PXK: variants seen among roughly 807,000 people sequenced by gnomAD.
PXK encodes the protein PX domain containing serine/threonine kinase like, also known as PX domain-containing protein kinase-like protein.
Under a neutral mutation model 84.7 loss-of-function variants are expected in PXK, and 35 were observed. That is an observed-to-expected ratio of 0.41 (90% CI 0.32 to 0.55). PXK has a LOEUF of 0.55. Ranked by LOEUF, PXK falls within the 20% of genes least tolerant of loss-of-function variation. The probability of loss-of-function intolerance (pLI) is 0.21; values close to 1 mark genes in which losing one functional copy is unlikely to be tolerated. For missense variants in PXK, 634 were observed against 699.7 expected (o/e 0.91, Z 1.06); for synonymous variants, 253 against 260.8 (o/e 0.97, Z 0.29).
chr3:58,373,167 TC>T (rs1347933308), intron 3 of PXK, among the ~76,000 whole-genome samples: 2 of 149,252 alleles, frequency 1.3e-5, no homozygotes, highest in African/African-American at 4.9e-5. Flanking sequence ...AAGCTCCACC[TC>T]CCAGGTTCAC....
rs1210130774 is a variant in PXK, at chr3:58,390,029, T to C, written c.389-553T>C. 1.4e-5 allele frequency among the ~76,000 whole-genome samples: 2 copies of C among 146,808 alleles called. No homozygotes were observed. The highest frequency in any genetic ancestry group is 5.1e-5 in the African/African-American group (2 of 39,546). On this transcript the variant is annotated intron_variant, in intron 4 of 17. Coordinates refer to ENST00000356151, the MANE Select transcript of PXK (RefSeq NM_017771.5). This position sits in a 1 kb window ranked among gnomAD's most constrained non-coding sequence, Gnocchi z 4.2. ...AAAAAAAAAAAAAAAAAAAAACAAT[T>C]TAGCCAGGCGTGATGGCCCATGCTT... is the stretch of plus-strand genomic sequence containing the variant.
At chr3:58,420,306 C>A (rs1175310606) in intron 17 of PXK, among the ~76,000 whole-genome samples, 2 of 152,206 alleles carry the variant, frequency 1.3e-5, no homozygotes, top group Non-Finnish European at 1.5e-5. Context: ...GCTCAAAAAG[C>A]GACTCATTGG....
chr3:58,398,123 A>G lies in PXK; in HGVS notation c.1102+401A>G, dbSNP rs371089172. Among the ~76,000 whole-genome samples, 27 of 152,314 alleles carry G rather than the reference A, an allele frequency of 1.8e-4. No homozygotes were observed. In the East Asian group the frequency reaches 3.9e-3, roughly 22 times the overall value. On this transcript the variant is annotated intron_variant, in intron 11 of 17. Transcript: ENST00000356151. This position sits in a 1 kb window ranked among gnomAD's most constrained non-coding sequence, Gnocchi z 4.5. ...AGACTTGTAAGAAACAAGAGAGGCC[A>G]GGCATGGTGGCTCACACCTGTAATC...
At chr3:58,417,360 A>C (rs1477734890) in intron 17 of PXK, among the ~76,000 whole-genome samples, 1 of 152,234 alleles carries the variant, frequency 6.6e-6, no homozygotes, top group African/African-American at 2.4e-5. Context: ...ATCGGTTGTA[A>C]GCACATTTAT....
chr3:58,342,967 CT>C (rs1213492765), intron 1 of PXK, among the ~76,000 whole-genome samples: 2 of 152,176 alleles, frequency 1.3e-5, no homozygotes, highest in Non-Finnish European at 2.9e-5. Context: ...CGCAGCACCT[CT>C]TTATAATATT....
intron 3 of PXK, 22 bp from the exon 4 acceptor site, chr3:58,382,492 C>CTTTT (rs10662181): frequency 2.3e-4 from 289 of 1,280,876 alleles, no homozygotes; most frequent in South Asian, 1.1e-3. Context: ...ATGAGTGTAA[C>CTTTT]TTTTTTTTTT....
At chr3:58,420,781 C>T in intron 17 of PXK, 8 of 1,369,586 alleles carry the variant, frequency 5.8e-6, no homozygotes, top group Non-Finnish European at 7.5e-6. Flanking sequence ...TCATGACCTT[C>T]AAAATCTTCA....
intron 4 of PXK, among the ~76,000 whole-genome samples, chr3:58,389,522 T>G (rs1231555381): frequency 1.3e-5 from 2 of 152,140 alleles, no homozygotes; most frequent in Non-Finnish European, 2.9e-5. Context: ...TAATTTTAGA[T>G]TTACATAGAA....
Position 58,401,267 on chromosome 3 carries a change from TG to T in PXK, c.1181+1894del, listed in dbSNP as rs2058517666. ...ACAGGCGGGGCCCTGAAGAGCCCTG[TG>T]GGGAAAGCTAATCCTGTCATTTCTA... On this transcript the variant is annotated intron_variant, in intron 12 of 17. Transcript: ENST00000356151. The surrounding 1 kb of genome is among the most constrained non-coding windows in gnomAD (Gnocchi z 4.4). Among the ~76,000 whole-genome samples the T allele has an allele frequency of 6.6e-6, 1 of 152,094 alleles. No individual in the cohort carries two copies. The highest frequency in any genetic ancestry group is 6.6e-5 in the Admixed American group (1 of 15,266).
At chr3:58,340,435 C>G (rs777274935) in intron 1 of PXK, among the ~76,000 whole-genome samples, 1 of 149,716 alleles carries the variant, frequency 6.7e-6, no homozygotes, top group Admixed American at 6.6e-5. Flanking sequence ...GATTGTTGAT[C>G]GAAAGTTTAA....
chr3:58,423,965 C>A (rs1411118589), intron 17 of PXK, among the ~76,000 whole-genome samples: 1 of 152,190 alleles, frequency 6.6e-6, no homozygotes, highest in Non-Finnish European at 1.5e-5. Flanking sequence ...ATTCTAGTTT[C>A]TCCTGATGCT....
chr3:58,390,713 C>T lies in PXK; in HGVS notation c.466+54C>T, dbSNP rs527386633. ...AAAAGACAGATCACAGAACTGGATC[C>T]TTAGTCATGCTTTCTGATACGTATC... On this transcript the variant is annotated intron_variant, in intron 5 of 17. Transcript: ENST00000356151. The surrounding 1 kb of genome is among the most constrained non-coding windows in gnomAD (Gnocchi z 4.2). The T allele has an allele frequency of 6.7e-7, 1 of 1,497,494 alleles. No homozygotes were observed. The highest frequency in any genetic ancestry group is 1.2e-5 in the South Asian group (1 of 83,012). The allele number at this position is 1,497,494 out of a possible 1,614,324, so 92.8% of individuals were successfully genotyped here. A position where few individuals can be genotyped will look rare whatever the true frequency, so the allele number is the denominator to read the frequency against.
intron 1 of PXK, among the ~76,000 whole-genome samples, chr3:58,345,527 A>G (rs1043769850): frequency 6.6e-6 from 1 of 152,290 alleles, no homozygotes; most frequent in East Asian, 1.9e-4. Flanking sequence ...ATTTCTCACT[A>G]ACTTCTCACT....
chr3:58,366,482 C>G (rs1015550840), intron 2 of PXK, among the ~76,000 whole-genome samples: 2 of 152,116 alleles, frequency 1.3e-5, no homozygotes, highest in African/African-American at 4.8e-5. Flanking sequence ...TCTGAGTTGA[C>G]TTACAGAGGG....
rs186921475 is a variant in PXK at position 58,393,280 on chromosome 3, G to A, written c.615+1433G>A. On this transcript the variant is annotated intron_variant, in intron 7 of 17. Coordinates refer to ENST00000356151, the MANE Select transcript of PXK (RefSeq NM_017771.5). ...GGAGAATGGCGTGAACCCGGGAGGC[G>A]GAGCTTGCAGTGAGCCGAGATCGTG... 3.0e-3 allele frequency among the ~76,000 whole-genome samples: 461 copies of A among 152,104 alleles called. 1 individual carries two copies. The highest frequency in any genetic ancestry group is 0.01 in the African/African-American group (424 of 41,524).
At chr3:58,335,863 C>G (rs1049663743) in intron 1 of PXK, among the ~76,000 whole-genome samples, 3 of 151,646 alleles carry the variant, frequency 2.0e-5, no homozygotes, top group African/African-American at 4.8e-5. Context: ...TTAGGAAGAT[C>G]AAATGAAATC....
At chr3:58,336,053 ATATATATATATATATATATTTTTTTT>A (rs1259665816) in intron 1 of PXK, among the ~76,000 whole-genome samples, 4 of 61,232 alleles carry the variant, frequency 6.5e-5, no homozygotes, top group Admixed American at 4.7e-4. Flanking sequence ...ATATATATAT[ATATATATATATATATATATTTTTTTT>A]TTTTTTTTTT....
rs111839565 is a variant in PXK at position 58,364,376 on chromosome 3, C to G, written c.103-1498C>G. ...CCATTGGGCCTTGATACATATTTGGCGGGGGGAGGGGAGCGGAGTTTTTTA... is the reference window on the plus strand; with the variant it reads ...CCATTGGGCCTTGATACATATTTGGGGGGGGGAGGGGAGCGGAGTTTTTTA... On this transcript the variant is annotated intron_variant, in intron 1 of 17. Transcript: ENST00000356151. This position sits in a 1 kb window ranked among gnomAD's most constrained non-coding sequence, Gnocchi z 4.3. Among the ~76,000 whole-genome samples, 1,017 of 151,856 alleles carry G rather than the reference C, an allele frequency of 6.7e-3. 8 individuals carry two copies. The highest frequency in any genetic ancestry group is 0.024 in the African/African-American group (975 of 41,362).
At chr3:58,341,830 C>T (rs556578801) in intron 1 of PXK, among the ~76,000 whole-genome samples, 1 of 151,648 alleles carries the variant, frequency 6.6e-6, no homozygotes. Context: ...CAGCCTCCTG[C>T]GTAGCTGGGA....
Sources: allele counts gnomAD v4.1 joint callset (sites outside exome capture counted in the v4.1 genomes callset), GRCh38; gene constraint gnomAD v4.1.1; non-coding constraint Gnocchi (gnomAD v3.1); transcripts MANE v1.5; gene names NCBI Gene and HGNC (gene_info 2026-07-23, HGNC 2026-07-21).